Variants in CACNA2D3 observed in about 807,000 individuals in gnomAD.
CACNA2D3 encodes the protein calcium voltage-gated channel auxiliary subunit alpha2delta 3.
A neutral mutation model predicts 160.6 loss-of-function variants in CACNA2D3; 60 were observed. The observed-to-expected ratio is 0.37, with a 90% CI of 0.30 to 0.46. The LOEUF (loss-of-function observed/expected upper bound fraction) is 0.46. CACNA2D3 is among the 20% of genes least tolerant of loss of function. The pLI, the probability that CACNA2D3 is intolerant of heterozygous loss-of-function variation, is 1.00. For synonymous variants in CACNA2D3, 558 were observed against 492.9 expected, an observed-to-expected ratio of 1.13 and a Z score of -1.75; for missense variants, 1,205 against 1,365.0, an observed-to-expected ratio of 0.88 and a Z score of 1.85.
At position 54,312,273 on chromosome 3, in the gene CACNA2D3, C is replaced by G. The variant is rs532712716; in HGVS notation, c.205-8169C>G. On this transcript the variant is annotated intron_variant, in intron 2 of 37. Coordinates refer to ENST00000474759, the MANE Select transcript of CACNA2D3 (RefSeq NM_018398.3). ...ATGCAGTGATTTAATTATGTCGACTCTAGAGGTGTAATTTCAGTTTTTGAT... is the reference window on the plus strand; with the variant it reads ...ATGCAGTGATTTAATTATGTCGACTGTAGAGGTGTAATTTCAGTTTTTGAT... Among the ~76,000 whole-genome samples, 342 of 152,278 alleles carry G rather than the reference C, an allele frequency of 2.2e-3. 2 individuals carry two copies. Among genetic ancestry groups the G allele is most frequent in the Middle Eastern group, 6.8e-3 (2 of 294 alleles).
intron 4 of CACNA2D3, among the ~76,000 whole-genome samples, chr3:54,450,606 A>G (rs1234842835): frequency 6.6e-6 from 1 of 151,944 alleles, no homozygotes; most frequent in Admixed American, 6.6e-5. Context: ...CTGGTTGTTA[A>G]AAAGCGCCTG....
intron 5 of CACNA2D3, among the ~76,000 whole-genome samples, chr3:54,548,673 G>T (rs763719677): frequency 1.3e-5 from 2 of 152,154 alleles, no homozygotes; most frequent in Non-Finnish European, 2.9e-5. Flanking sequence ...GGATGACAGG[G>T]GATCCTGATC....
At position 54,418,190 on chromosome 3, in the gene CACNA2D3, C is replaced by G. The variant is rs77172453; in HGVS notation, c.381+31416C>G. On this transcript the variant is annotated intron_variant, in intron 4 of 37. Coordinates refer to ENST00000474759, the MANE Select transcript of CACNA2D3 (RefSeq NM_018398.3). ...TTTACTCTAGACGTTAGTTTGCTGT[C>G]TAGTTGAAGATATTAATACTCAGAA... is the stretch of plus-strand genomic sequence containing the variant. 6.1e-3 allele frequency among the ~76,000 whole-genome samples: 935 copies of G among 152,278 alleles called. 20 individuals are homozygous for G. The highest frequency in any genetic ancestry group is 0.057 in the South Asian group (277 of 4,822).
At chr3:54,249,022 C>A (rs1553767167) in intron 2 of CACNA2D3, among the ~76,000 whole-genome samples, 3 of 152,110 alleles carry the variant, frequency 2.0e-5, no homozygotes, top group Non-Finnish European at 2.9e-5. Context: ...ATCCTCTTGT[C>A]ATGTAATGTA....
At chr3:54,855,534 T>G (rs1027314889) in intron 17 of CACNA2D3, among the ~76,000 whole-genome samples, 4 of 152,040 alleles carry the variant, frequency 2.6e-5, no homozygotes, top group Non-Finnish European at 4.4e-5. Flanking sequence ...TTATAGTCAT[T>G]ACTCTGCCAG....
intron 4 of CACNA2D3, among the ~76,000 whole-genome samples, chr3:54,415,251 G>A (rs1208625109): frequency 6.6e-6 from 1 of 152,176 alleles, no homozygotes; most frequent in Non-Finnish European, 1.5e-5. Flanking sequence ...AAAGGGGAAT[G>A]CCCTTAGGTT....
At chr3:55,060,980 C>T (rs1704493381) in intron 35 of CACNA2D3, among the ~76,000 whole-genome samples, 1 of 152,132 alleles carries the variant, frequency 6.6e-6, no homozygotes. Flanking sequence ...CAAAGAACCT[C>T]CTGTCCAGGT....
rs190346939 is a variant in CACNA2D3 at position 54,504,784 on chromosome 3, A to T, written c.544+1130A>T. ...TTCCTCTTGTAGGCTGTGTGATCTTAAGCAAGCAACTTTGCCTTTCTGAGG... is the reference window on the plus strand; with the variant it reads ...TTCCTCTTGTAGGCTGTGTGATCTTTAGCAAGCAACTTTGCCTTTCTGAGG... On this transcript the variant is annotated intron_variant, in intron 5 of 37. Transcript: ENST00000474759. Among the ~76,000 whole-genome samples the T allele has an allele frequency of 1.2e-3, 177 of 152,314 alleles. 3 individuals carry two copies. The highest frequency in any genetic ancestry group is 4.0e-3 in the African/African-American group (166 of 41,578).
At chr3:54,256,365 A>T (rs1702293410) in intron 2 of CACNA2D3, among the ~76,000 whole-genome samples, 1 of 152,178 alleles carries the variant, frequency 6.6e-6, no homozygotes. Flanking sequence ...CATCGCCAAG[A>T]TCTGATTTTC....
intron 2 of CACNA2D3, among the ~76,000 whole-genome samples, chr3:54,201,229 TTAC>T (rs1223796762): frequency 3.3e-5 from 5 of 152,262 alleles, no homozygotes; most frequent in African/African-American, 1.2e-4. Flanking sequence ...CTGTTTCCTT[TTAC>T]CTTTTAAAGC....
chr3:54,910,777 A>C (rs1248925804), intron 27 of CACNA2D3, among the ~76,000 whole-genome samples: 1 of 152,148 alleles, frequency 6.6e-6, no homozygotes, highest in Non-Finnish European at 1.5e-5. Flanking sequence ...GCCAGGCTGA[A>C]GTCCTGATTG....
chr3:54,842,607 CTT>C (rs11404506), intron 16 of CACNA2D3, among the ~76,000 whole-genome samples: 1 of 143,076 alleles, frequency 7.0e-6, no homozygotes. Flanking sequence ...TTTTTCTTTT[CTT>C]TTTTTTTTTG....
At chr3:54,951,255 A>G (rs1701749946) in intron 27 of CACNA2D3, among the ~76,000 whole-genome samples, 1 of 152,220 alleles carries the variant, frequency 6.6e-6, no homozygotes, top group Non-Finnish European at 1.5e-5. Context: ...GCCACTATGT[A>G]GACATCTCAC....
chr3:55,072,268 G>T (rs539326507), intron 35 of CACNA2D3, among the ~76,000 whole-genome samples: 2 of 152,154 alleles, frequency 1.3e-5, no homozygotes, highest in Non-Finnish European at 2.9e-5. Context: ...TATTAGATGG[G>T]CATTGGGCAT....
chr3:54,237,820 A>T (rs895152026), intron 2 of CACNA2D3, among the ~76,000 whole-genome samples: 1 of 152,180 alleles, frequency 6.6e-6, no homozygotes, highest in African/African-American at 2.4e-5. Flanking sequence ...CTTCAAAGTT[A>T]TGTGAGTTCC....
At chr3:54,876,946 G>C (rs984635134) in intron 18 of CACNA2D3, 1 of 152,238 alleles carries the variant, frequency 6.6e-6, no homozygotes, top group African/African-American at 2.4e-5. Flanking sequence ...AAGAAAGTGA[G>C]CCACAGAGAG....
At chr3:54,497,049 T>C (rs187626799) in intron 4 of CACNA2D3, among the ~76,000 whole-genome samples, 1 of 152,262 alleles carries the variant, frequency 6.6e-6, no homozygotes, top group Non-Finnish European at 1.5e-5. Context: ...ATGTGAGTCC[T>C]TGGGCTTTTT....
chr3:54,764,543 A>G (rs1702182150), intron 13 of CACNA2D3, among the ~76,000 whole-genome samples, 192 bp downstream of exon 13: 1 of 152,226 alleles, frequency 6.6e-6, no homozygotes, highest in Non-Finnish European at 1.5e-5. Flanking sequence ...AAAGTATGAC[A>G]CGTACTTCAG....
chr3:54,130,450 C>T (rs1043402041), intron 2 of CACNA2D3, among the ~76,000 whole-genome samples: 2 of 152,170 alleles, frequency 1.3e-5, no homozygotes, highest in African/African-American at 4.8e-5. Context: ...GCATTTCCAC[C>T]GTGGCCCTGG....
Sources: allele counts gnomAD v4.1 joint callset (sites outside exome capture counted in the v4.1 genomes callset), GRCh38; gene constraint gnomAD v4.1.1; transcripts MANE v1.5; gene names NCBI Gene and HGNC (gene_info 2026-07-23, HGNC 2026-07-21).